The following FOXN2 variants were observed in gnomAD, a reference collection of about 807,000 sequenced individuals.
FOXN2 encodes the protein forkhead box protein N2.
FOXN2 carries 19 observed loss-of-function variants against 41.2 expected under a neutral mutation model. The observed-to-expected ratio is 0.46, with a 90% CI of 0.32 to 0.68. The LOEUF (loss-of-function observed/expected upper bound fraction) is 0.68, where lower values mean the gene tolerates loss of function less well. Among genes scored for constraint, FOXN2 ranks in the 30% least tolerant of loss-of-function variants. The pLI is 0.03. For synonymous variants in FOXN2, 195 were observed against 176.8 expected, an observed-to-expected ratio of 1.10 and a Z score of -0.82; for missense variants, 587 against 509.4, an observed-to-expected ratio of 1.15 and a Z score of -1.47.
intron 2 of FOXN2, among the ~76,000 whole-genome samples, chr2:48,333,177 G>A (rs964639922): frequency 6.6e-6 from 1 of 151,986 alleles, no homozygotes; most frequent in African/African-American, 2.4e-5. Context: ...ACAGAGCCAT[G>A]CATGTAGTAG....
At chr2:48,358,921 T>C in intron 3 of FOXN2, 126 bp from the exon 4 acceptor site, 1 of 673,950 alleles carries the variant, frequency 1.5e-6, no homozygotes, top group Non-Finnish European at 2.5e-6. Context: ...GCAAGCTCAC[T>C]TCAACCTTAG....
chr2:48,366,081 G>A (rs1572771504), intron 5 of FOXN2, among the ~76,000 whole-genome samples: 1 of 152,284 alleles, frequency 6.6e-6, no homozygotes. Context: ...CTTTGGCTGG[G>A]CACAGTGGCT....
At chr2:48,333,022 T>C (rs1670110832) in intron 2 of FOXN2, among the ~76,000 whole-genome samples, 2 of 152,322 alleles carry the variant, frequency 1.3e-5, no homozygotes, top group African/African-American at 4.8e-5. Flanking sequence ...AAGTTCCTTA[T>C]CCTTCATAAT....
chr2:48,349,410 G>A (rs920969471), intron 3 of FOXN2, among the ~76,000 whole-genome samples: 4 of 152,110 alleles, frequency 2.6e-5, no homozygotes, highest in African/African-American at 9.7e-5. Flanking sequence ...TTGAACCCTC[G>A]GAGGTTGCAG....
intron 3 of FOXN2, among the ~76,000 whole-genome samples, chr2:48,348,210 C>T (rs193257477): frequency 6.6e-6 from 1 of 152,080 alleles, no homozygotes; most frequent in East Asian, 1.9e-4. Context: ...TGCTATTTGT[C>T]TTACCTCTTG....
At position 48,359,088 on chromosome 2, in the gene FOXN2, T is replaced by C; in HGVS notation, c.579T>C (p.Tyr193=). ...CCTTATGGTGTGTTGATCCGGAATA[T>C]AAACCCAATCTTATCCAGGCACTGA... is the stretch of plus-strand genomic sequence containing the variant. ...KGSLWCVDPE[Y]KPNLIQALKK... Residue 193 remains tyrosine, a synonymous_variant, in exon 4 of 7, where the codon TAT becomes TAC. Transcript: ENST00000340553. 1.2e-6 allele frequency: 2 copies of C among 1,613,750 alleles called. No individual in the cohort carries two copies. Among genetic ancestry groups the C allele is most frequent in the Non-Finnish European group, 8.5e-7 (1 of 1,179,820 alleles).
At chr2:48,319,553 A>G (rs987396073) in intron 1 of FOXN2, among the ~76,000 whole-genome samples, 1 of 151,912 alleles carries the variant, frequency 6.6e-6, no homozygotes, top group African/African-American at 2.4e-5. Context: ...TCTTTCTAAA[A>G]TATGTCATTA....
At chr2:48,326,968 T>C (rs1669718452) in intron 1 of FOXN2, among the ~76,000 whole-genome samples, 2 of 152,228 alleles carry the variant, frequency 1.3e-5, no homozygotes, top group Non-Finnish European at 2.9e-5. Context: ...TATACTACCT[T>C]TGGAGTGGTC....
At chr2:48,371,982 A>G (rs548202050) in intron 5 of FOXN2, among the ~76,000 whole-genome samples, 2 of 152,238 alleles carry the variant, frequency 1.3e-5, no homozygotes, top group Admixed American at 1.3e-4. Flanking sequence ...GCAAACAGGG[A>G]CGTTTGACTT....
At chr2:48,347,288 G>A (rs150535352) in intron 3 of FOXN2, among the ~76,000 whole-genome samples, 16 of 145,252 alleles carry the variant, frequency 1.1e-4, no homozygotes, top group East Asian at 2.0e-4. Context: ...GTACAGTGGC[G>A]CGATCTCTGC....
At chr2:48,344,442 G>C (rs777526986) in intron 2 of FOXN2, among the ~76,000 whole-genome samples, 4 of 152,182 alleles carry the variant, frequency 2.6e-5, no homozygotes, top group Non-Finnish European at 4.4e-5. Flanking sequence ...ATTGTGGTTA[G>C]AGTTTTGTTT....
intron 6 of FOXN2, among the ~76,000 whole-genome samples, chr2:48,374,570 A>G (rs1211186558): frequency 6.6e-6 from 1 of 152,194 alleles, no homozygotes; most frequent in African/African-American, 2.4e-5. Flanking sequence ...GGCATCCAGA[A>G]GGATTTGTAT....
chr2:48,331,787 G>A (rs934414443), intron 2 of FOXN2, among the ~76,000 whole-genome samples: 14 of 150,804 alleles, frequency 9.3e-5, no homozygotes, highest in Non-Finnish European at 1.2e-4. Context: ...ACTGCACTCC[G>A]GCCTCGGTGA....
intron 5 of FOXN2, among the ~76,000 whole-genome samples, chr2:48,365,453 C>T (rs1378764537): frequency 6.6e-6 from 1 of 152,196 alleles, no homozygotes; most frequent in Non-Finnish European, 1.5e-5. Flanking sequence ...GTATACATAT[C>T]TTGAGAACAT....
chr2:48,342,093 A>C (rs1467857058), intron 2 of FOXN2, among the ~76,000 whole-genome samples: 7 of 152,330 alleles, frequency 4.6e-5, no homozygotes, highest in African/African-American at 1.7e-4. Context: ...AACTATAAAA[A>C]TAATAAGCAC....
At chr2:48,316,974 T>C (rs1212929651) in intron 1 of FOXN2, among the ~76,000 whole-genome samples, 1 of 152,126 alleles carries the variant, frequency 6.6e-6, no homozygotes, top group African/African-American at 2.4e-5. Context: ...AAGTGGTATC[T>C]AGGCCTTAGG....
chr2:48,318,760 A>C (rs974972979), intron 1 of FOXN2, among the ~76,000 whole-genome samples: 5 of 152,306 alleles, frequency 3.3e-5, no homozygotes, highest in Middle Eastern at 6.8e-3. Flanking sequence ...CCAGAGAGAC[A>C]TTTGTTCTGG....
At chr2:48,355,280 G>T (rs1195336408) in intron 3 of FOXN2, among the ~76,000 whole-genome samples, 1 of 152,162 alleles carries the variant, frequency 6.6e-6, no homozygotes, top group Non-Finnish European at 1.5e-5. Flanking sequence ...AGAAATTAAG[G>T]AAGTGAGAGC....
At chr2:48,323,401 A>C (rs933027617) in intron 1 of FOXN2, among the ~76,000 whole-genome samples, 9 of 152,040 alleles carry the variant, frequency 5.9e-5, no homozygotes, top group African/African-American at 2.2e-4. Context: ...CAGCATTGTT[A>C]ATTTTTGTCT....
Sources: allele counts gnomAD v4.1 joint callset (sites outside exome capture counted in the v4.1 genomes callset), GRCh38; gene constraint gnomAD v4.1.1; transcripts MANE v1.5; gene names NCBI Gene and HGNC (gene_info 2026-07-23, HGNC 2026-07-21).